Variants in PCDHA4 observed in about 807,000 individuals in gnomAD.
PCDHA4 encodes protocadherin alpha-4.
PCDHA4 carries 49 observed loss-of-function variants against 61.4 expected under a neutral mutation model. That is an observed-to-expected ratio of 0.80 (90% CI 0.63 to 1.01). The LOEUF is 1.01. Among genes scored for constraint, PCDHA4 ranks in the 50% least tolerant of loss-of-function variants. PCDHA4 has a pLI of 0.00. For synonymous variants in PCDHA4, 590 were observed against 550.3 expected (o/e 1.07, Z -1.01); for missense variants, 1,254 against 1,235.8 (o/e 1.01, Z -0.22).
At chr5:140,895,868 A>G (rs555320203) in intron 1 of PCDHA4, among the ~76,000 whole-genome samples, 5 of 152,228 alleles carry the variant, frequency 3.3e-5, no homozygotes, top group Admixed American at 6.5e-5. Flanking sequence ...CTGGAGTGCA[A>G]TGGCGCGATC....
At chr5:140,851,413 C>A in intron 1 of PCDHA4, 1 of 961,744 alleles carries the variant, frequency 1.0e-6, no homozygotes, top group Non-Finnish European at 1.3e-6. Flanking sequence ...AAGAAAGAAA[C>A]TTCCCCTAAA....
intron 1 of PCDHA4, among the ~76,000 whole-genome samples, chr5:140,840,258 A>AT (rs1258351713): frequency 9.9e-5 from 15 of 152,108 alleles, no homozygotes; most frequent in South Asian, 2.1e-4. Context: ...AAAAATTGTG[A>AT]TTTTTTAATG....
At chr5:140,872,392 T>C (rs2053635930) in intron 1 of PCDHA4, among the ~76,000 whole-genome samples, 1 of 152,152 alleles carries the variant, frequency 6.6e-6, no homozygotes, top group African/African-American at 2.4e-5. Flanking sequence ...TTTGGGAGGC[T>C]GAGGCAGGAG....
intron 1 of PCDHA4, among the ~76,000 whole-genome samples, chr5:140,880,402 G>A (rs1014801012): frequency 3.9e-5 from 6 of 152,182 alleles, no homozygotes; most frequent in Non-Finnish European, 8.8e-5. Context: ...AGAGCATATG[G>A]TTGACCTTAA....
intron 1 of PCDHA4, chr5:140,812,457 CT>C (rs1765115164): frequency 2.0e-5 from 3 of 151,976 alleles, no homozygotes; most frequent in Non-Finnish European, 4.4e-5. Flanking sequence ...TTAATTTAAA[CT>C]TTTTTTCATT....
intron 1 of PCDHA4, among the ~76,000 whole-genome samples, chr5:140,821,382 G>T (rs1160781940): frequency 1.3e-5 from 2 of 152,048 alleles, no homozygotes; most frequent in Admixed American, 6.5e-5. Flanking sequence ...TTTTAATGAC[G>T]CACTTATATT....
intron 1 of PCDHA4, among the ~76,000 whole-genome samples, chr5:140,880,156 A>C (rs1301821759): frequency 6.6e-6 from 1 of 152,250 alleles, no homozygotes; most frequent in Non-Finnish European, 1.5e-5. Context: ...TATATCAAGT[A>C]TATGTTAGAA....
rs144631339 is a variant in PCDHA4 at position 140,834,572 on chromosome 5, G to T, written c.2385+25000G>T. 285 of 1,614,126 alleles carry T rather than the reference G, an allele frequency of 1.8e-4. 1 individual carries two copies. In the African/African-American group the frequency reaches 1.9e-3, roughly 11 times the overall value. ...AGCTGGCGGAGCTGGTGCCGCGCCTGTTCCGGGCGGTGTGCAAATTCCGTG... is the reference window on the plus strand; with the variant it reads ...AGCTGGCGGAGCTGGTGCCGCGCCTTTTCCGGGCGGTGTGCAAATTCCGTG... On this transcript the variant is annotated intron_variant, in intron 1 of 3. Transcript: ENST00000530339.
At chr5:140,968,097 G>A in intron 1 of PCDHA4, 1 of 1,614,112 alleles carries the variant, frequency 6.2e-7, no homozygotes, top group Non-Finnish European at 8.5e-7. Flanking sequence ...GCCACAGATG[G>A]GGGAATACCG....
chr5:140,857,329 G>T (rs781793178), intron 1 of PCDHA4: 1 of 1,598,568 alleles, frequency 6.3e-7, no homozygotes. Context: ...TGACCGCGCG[G>T]GACGGGGGCT....
chr5:140,958,162 C>A lies in PCDHA4; in HGVS notation c.2386-20787C>A, dbSNP rs574337485. Among the ~76,000 whole-genome samples the A allele has an allele frequency of 1.1e-4, 16 of 152,028 alleles. No homozygotes were observed. The South Asian group carries it at 3.3e-3, about 32-fold the overall frequency. Reference sequence around the variant, plus strand: ...ATATTTATATAGCATAGTCAAAAGCCTGGAGTGATATAAATTTTCTGTTAC... The same window carrying A: ...ATATTTATATAGCATAGTCAAAAGCATGGAGTGATATAAATTTTCTGTTAC... On this transcript the variant is annotated intron_variant, in intron 1 of 3. Coordinates refer to ENST00000530339, the MANE Select transcript of PCDHA4 (RefSeq NM_018907.4).
At chr5:140,868,887 G>A in intron 1 of PCDHA4, 1 of 740,170 alleles carries the variant, frequency 1.4e-6, no homozygotes, top group Admixed American at 3.1e-5. Context: ...CACAGTTTTA[G>A]GCGCAAGGTG....
chr5:140,929,532 G>T, intron 1 of PCDHA4: 1 of 602,214 alleles, frequency 1.7e-6, no homozygotes, highest in Non-Finnish European at 2.5e-6. Flanking sequence ...TTATTTTTGA[G>T]AAACAAGGGC....
chr5:140,922,131 TTATCC>T (rs2080656521), intron 1 of PCDHA4, among the ~76,000 whole-genome samples: 1 of 152,176 alleles, frequency 6.6e-6, no homozygotes, highest in South Asian at 2.1e-4. Context: ...TAAATGTCTC[TTATCC>T]TCCATGAAAC....
intron 1 of PCDHA4, chr5:140,871,024 T>C: frequency 6.2e-7 from 1 of 1,613,196 alleles, no homozygotes; most frequent in Non-Finnish European, 8.5e-7. Context: ...CGAGGCAGAC[T>C]CGCCGCGCCA....
chr5:141,009,650 C>G lies in PCDHA4; in HGVS notation c.2557C>G (p.Pro853Ala). Residue 853 changes from proline to alanine, a missense_variant, in exon 4 of 4, where the codon CCT becomes GCT. Transcript: ENST00000530339. The part of the protein sequence containing the change: ...TPEPEAGEVS[P>A]PVGAGVNSNS... ...AGAACCAGAGGCAGGAGAAGTGTCCCCTCCAGTCGGTGCGGGTGTCAACAG... is the reference window on the plus strand; with the variant it reads ...AGAACCAGAGGCAGGAGAAGTGTCCGCTCCAGTCGGTGCGGGTGTCAACAG... 1 of 1,613,886 alleles carries G rather than the reference C, an allele frequency of 6.2e-7. No individual in the cohort carries two copies. Among genetic ancestry groups the G allele is most frequent in the Non-Finnish European group, 8.5e-7 (1 of 1,179,918 alleles).
intron 1 of PCDHA4, among the ~76,000 whole-genome samples, chr5:140,838,461 T>C (rs2150289673): frequency 4.0e-5 from 6 of 151,692 alleles, no homozygotes; most frequent in Non-Finnish European, 7.4e-5. Context: ...ATTATTTCAT[T>C]AGCGCTTATT....
At chr5:140,941,198 T>TCTTC (rs202127003) in intron 1 of PCDHA4, among the ~76,000 whole-genome samples, 5 of 119,810 alleles carry the variant, frequency 4.2e-5, no homozygotes, top group Non-Finnish European at 7.0e-5. Flanking sequence ...TTTTTTTCTT[T>TCTTC]CTTCCTTTCT....
At position 140,975,481 on chromosome 5, in the gene PCDHA4, T is replaced by C. The variant is rs566642912; in HGVS notation, c.2386-3468T>C. Among the ~76,000 whole-genome samples, 225 of 152,370 alleles carry C rather than the reference T, an allele frequency of 1.5e-3. 1 individual carries two copies. The highest frequency in any genetic ancestry group is 5.2e-3 in the African/African-American group (216 of 41,590). ...TCTTGGAATTCTGCCTATCAGTTTA[T>C]ATCAATGTTCATAAAATAGCACTAT... On this transcript the variant is annotated intron_variant, in intron 1 of 3. Transcript: ENST00000530339.
Sources: allele counts gnomAD v4.1 joint callset (sites outside exome capture counted in the v4.1 genomes callset), GRCh38; gene constraint gnomAD v4.1.1; transcripts MANE v1.5; gene names NCBI Gene and HGNC (gene_info 2026-07-23, HGNC 2026-07-21).